Variants in ELP3 observed in about 807,000 individuals in gnomAD.
ELP3 encodes the protein elongator complex protein 3.
A neutral mutation model predicts 74.9 loss-of-function variants in ELP3; 56 were observed. The ratio of observed to expected loss-of-function variants is 0.75; its 90% CI spans 0.60 to 0.93. ELP3 has a LOEUF of 0.93. Ranked by LOEUF, ELP3 falls within the 40% of genes least tolerant of loss-of-function variation. The pLI is 0.00. For synonymous variants in ELP3, 222 were observed against 239.8 expected (o/e 0.93, Z 0.68); for missense variants, 573 against 686.5 (o/e 0.83, Z 1.85).
chr8:28,157,707 GA>G (rs1462662051), intron 11 of ELP3, among the ~76,000 whole-genome samples: 1 of 152,010 alleles, frequency 6.6e-6, no homozygotes, highest in Admixed American at 6.5e-5. Flanking sequence ...CTATGGGGGG[GA>G]AATATACCAT....
chr8:28,171,962 G>A (rs556918156), intron 14 of ELP3, among the ~76,000 whole-genome samples: 43 of 152,136 alleles, frequency 2.8e-4, no homozygotes, highest in African/African-American at 9.4e-4. Context: ...GAAATCAGTC[G>A]AAAAGAAAAG....
chr8:28,161,921 CCTT>C, intron 13 of ELP3, 73 bp from the exon 14 acceptor site: 1 of 1,428,664 alleles, frequency 7.0e-7, no homozygotes, highest in East Asian at 2.3e-5. Flanking sequence ...AAGTATATAG[CCTT>C]CTTGTTTTAT....
At chr8:28,129,721 A>G (rs958395385) in intron 8 of ELP3, 58 bp downstream of exon 8, 1 of 1,597,146 alleles carries the variant, frequency 6.3e-7, no homozygotes, top group Non-Finnish European at 8.6e-7. Context: ...CATTTTCTCT[A>G]CATTCATACC....
At chr8:28,186,181 G>A (rs542480653) in intron 14 of ELP3, among the ~76,000 whole-genome samples, 20 of 152,274 alleles carry the variant, frequency 1.3e-4, no homozygotes, top group Non-Finnish European at 1.3e-4. Context: ...GCTGGGAGAG[G>A]GGGAGCAAGT....
intron 14 of ELP3, among the ~76,000 whole-genome samples, chr8:28,163,341 C>T (rs150618855): frequency 2.6e-5 from 4 of 152,174 alleles, no homozygotes; most frequent in Admixed American, 6.5e-5. Flanking sequence ...AGAAAATCAT[C>T]TCTTCTGAAA....
intron 3 of ELP3, among the ~76,000 whole-genome samples, chr8:28,104,768 A>G (rs1346844368): frequency 6.6e-6 from 1 of 152,118 alleles, no homozygotes; most frequent in African/African-American, 2.4e-5. Context: ...GATGTTCCTC[A>G]TTTTGATCAA....
intron 14 of ELP3, among the ~76,000 whole-genome samples, chr8:28,166,803 C>G (rs61129260): frequency 0.11 from 17,391 of 152,254 alleles, 1,132 homozygotes; most frequent in East Asian, 0.31. Flanking sequence ...ACACCCCCAA[C>G]AGAATGAGTT....
At chr8:28,161,659 T>G (rs1585729040) in intron 13 of ELP3, among the ~76,000 whole-genome samples, 1 of 147,586 alleles carries the variant, frequency 6.8e-6, no homozygotes, top group Non-Finnish European at 1.5e-5. Flanking sequence ...ATTAAAGACA[T>G]ACTGCCCCAG....
chr8:28,095,680 T>C (rs919403403), intron 1 of ELP3, among the ~76,000 whole-genome samples: 2 of 152,254 alleles, frequency 1.3e-5, no homozygotes, highest in African/African-American at 4.8e-5. Context: ...TGAAAAGAGC[T>C]GGATTTGAGT....
At chr8:28,146,043 G>A (rs1040741136) in intron 10 of ELP3, among the ~76,000 whole-genome samples, 2 of 152,148 alleles carry the variant, frequency 1.3e-5, no homozygotes, top group African/African-American at 4.8e-5. Flanking sequence ...ATTACTTGAT[G>A]TTTTTAATTG....
intron 3 of ELP3, among the ~76,000 whole-genome samples, chr8:28,102,895 C>T (rs1295433481): frequency 4.6e-5 from 7 of 152,276 alleles, no homozygotes; most frequent in South Asian, 2.1e-4. Context: ...TGTGGCCGGG[C>T]GCAGTGGCTT....
intron 14 of ELP3, among the ~76,000 whole-genome samples, chr8:28,176,166 A>G (rs749499579): frequency 2.0e-5 from 3 of 152,024 alleles, no homozygotes; most frequent in African/African-American, 4.8e-5. Flanking sequence ...AGTGTTCTTC[A>G]TTGTGTGTGT....
At chr8:28,114,992 G>C in intron 7 of ELP3, among the ~76,000 whole-genome samples, 1 of 152,176 alleles carries the variant, frequency 6.6e-6, no homozygotes, top group Non-Finnish European at 1.5e-5. Context: ...GTGATGGAGA[G>C]GAGATTGAGA....
At chr8:28,116,931 C>T (rs532155644) in intron 7 of ELP3, among the ~76,000 whole-genome samples, 3 of 152,218 alleles carry the variant, frequency 2.0e-5, no homozygotes, top group South Asian at 2.1e-4. Flanking sequence ...AGCCAGGCGA[C>T]GGGGATGGCA....
At chr8:28,189,606 T>G (rs761385535) in intron 14 of ELP3, 43 bp from the exon 15 acceptor site, 1 of 1,605,100 alleles carries the variant, frequency 6.2e-7, no homozygotes, top group African/African-American at 1.3e-5. Context: ...TTTTGAGAAT[T>G]GCTAAAGTGA....
intron 14 of ELP3, among the ~76,000 whole-genome samples, chr8:28,185,902 T>C (rs1485201403): frequency 6.6e-6 from 1 of 152,192 alleles, no homozygotes; most frequent in Non-Finnish European, 1.5e-5. Flanking sequence ...TCAGAATTAC[T>C]CCGAATTCTG....
chr8:28,113,238 C>G (rs1811991855), intron 7 of ELP3, 65 bp downstream of exon 7: 2 of 1,339,088 alleles, frequency 1.5e-6, no homozygotes, highest in Non-Finnish European at 2.0e-6. Context: ...TAGCAGTAGT[C>G]TACGAGAATG....
intron 8 of ELP3, 126 bp from the exon 9 acceptor site, chr8:28,132,152 C>G: frequency 1.9e-6 from 2 of 1,030,924 alleles, no homozygotes; most frequent in South Asian, 3.3e-5. Context: ...TATGGAACTT[C>G]TGTTACCTGT....
chr8:28,093,299 A>G, intron 1 of ELP3, 66 bp downstream of exon 1: 1 of 1,596,940 alleles, frequency 6.3e-7, no homozygotes, highest in Non-Finnish European at 8.5e-7. Context: ...AGGCAATCAA[A>G]TGCTGAACCG....
Sources: gnomAD v4.1 joint callset for allele counts (sites outside exome capture counted in the v4.1 genomes callset) on GRCh38, gnomAD v4.1.1 for gene constraint, MANE v1.5 for transcripts, NCBI Gene and HGNC (gene_info 2026-07-23, HGNC 2026-07-21) for gene names.